RBBP4: variants seen among roughly 807,000 people sequenced by gnomAD.
RBBP4 encodes the protein histone-binding protein RBBP4.
RBBP4 carries 3 observed loss-of-function variants against 57.2 expected under a neutral mutation model. The observed-to-expected ratio is 0.05, with a 90% CI of 0.02 to 0.14. The LOEUF is 0.14. RBBP4 is among the 10% of genes least tolerant of loss of function. The pLI, the probability that RBBP4 is intolerant of heterozygous loss-of-function variation, is 1.00. For synonymous variants in RBBP4, 151 were observed against 171.5 expected, an observed-to-expected ratio of 0.88 and a Z score of 0.93; for missense variants, 107 against 520.6, an observed-to-expected ratio of 0.21 and a Z score of 7.73.
rs975683805 is a variant in RBBP4, at chr1:32,683,923, C to T, written c.*4218C>T. On this transcript the variant is annotated 3_prime_UTR_variant, in exon 12 of 12. Coordinates refer to ENST00000373493, the MANE Select transcript of RBBP4 (RefSeq NM_005610.3). ...GCTAGGATTACAGGCGTGAGCCACCCCGTCCGGCCTGTTTTTAAGGCATTA... is the reference window on the plus strand; with the variant it reads ...GCTAGGATTACAGGCGTGAGCCACCTCGTCCGGCCTGTTTTTAAGGCATTA... 16 of 1,364,680 alleles carry T rather than the reference C, an allele frequency of 1.2e-5. No homozygotes were observed. Among genetic ancestry groups the T allele is most frequent in the South Asian group, 2.4e-5 (2 of 82,530 alleles). The allele number at this position is 1,364,680 out of a possible 1,614,324, so 84.5% of individuals were successfully genotyped here.
At position 32,685,977 on chromosome 1, in the gene RBBP4, CTG is replaced by C. The variant is rs1278665411; in HGVS notation, c.*6274_*6275del. 1.3e-5 allele frequency: 2 copies of C among 152,304 alleles called. No individual in the cohort carries two copies. Among genetic ancestry groups the C allele is most frequent in the African/African-American group, 4.8e-5 (2 of 41,578 alleles). 9.4% of individuals were successfully genotyped at this position (152,304 alleles called of 1,614,324 possible). ...TGACCCCTACCTCCAACTTGAACCT[CTG>C]TTACTCTTCCGTATGAACATTTTCC... On this transcript the variant is annotated 3_prime_UTR_variant, in exon 12 of 12. Transcript: ENST00000373493.
chr1:32,651,342 C>A lies in RBBP4; in HGVS notation c.16+20C>A. On this transcript the variant is annotated intron_variant, in intron 1 of 11. Coordinates refer to ENST00000373493, the MANE Select transcript of RBBP4 (RefSeq NM_005610.3). ...AGGAAGGTGAGGGTGCCGGGGCCGA[C>A]CCAGGAGGGCAGTGGGTGCCTGGGC... 4.8e-6 allele frequency: 7 copies of A among 1,446,524 alleles called. No homozygotes were observed. The highest frequency in any genetic ancestry group is 5.5e-6 in the Non-Finnish European group (6 of 1,100,446). The allele number at this position is 1,446,524 out of a possible 1,614,324, so 89.6% of individuals were successfully genotyped here.
In RBBP4 at chr1:32,672,916, A is replaced by T. The variant is rs1298634752; in HGVS notation, c.1212+15A>T. On this transcript the variant is annotated intron_variant, in intron 11 of 11. Coordinates refer to ENST00000373493, the MANE Select transcript of RBBP4 (RefSeq NM_005610.3). Reference sequence around the variant, plus strand: ...TGTGGCAAATGGTAAGGGTTTAGTAATTTATTTTGGGGAGGTGAAATAAGT... The same window carrying T: ...TGTGGCAAATGGTAAGGGTTTAGTATTTTATTTTGGGGAGGTGAAATAAGT... 1 of 1,562,766 alleles carries T rather than the reference A, an allele frequency of 6.4e-7. No individual in the cohort carries two copies. Among genetic ancestry groups the T allele is most frequent in the Admixed American group, 1.7e-5 (1 of 58,738 alleles).
intron 3 of RBBP4, among the ~76,000 whole-genome samples, chr1:32,658,982 C>T (rs563009954): frequency 1.2e-3 from 171 of 144,624 alleles, no homozygotes; most frequent in East Asian, 4.7e-3. Context: ...AAACTACATG[C>T]GTGTATATAT....
chr1:32,652,483 GC>G, intron 2 of RBBP4: 1 of 164,082 alleles, frequency 6.1e-6, no homozygotes, highest in Non-Finnish European at 1.3e-5. Context: ...CGTCTCTACT[GC>G]CCCCCACACA....
At chr1:32,651,737 A>C in intron 1 of RBBP4, 177 bp from the exon 2 acceptor site, 1 of 834,288 alleles carries the variant, frequency 1.2e-6, no homozygotes, top group Admixed American at 2.8e-5. Flanking sequence ...TTTGGCGGGG[A>C]TGGCCCGAGG....
chr1:32,668,591 G>A lies in RBBP4; in HGVS notation c.485-148G>A, dbSNP rs150808943. On this transcript the variant is annotated intron_variant, in intron 4 of 11. Transcript: ENST00000373493. The stretch of plus-strand genomic sequence containing the variant: ...TTACATAGAACAAAATACTGGTGCT[G>A]TTTAAGCATTATCTATTTGATCATA... 4.9e-4 allele frequency: 415 copies of A among 846,222 alleles called. 3 individuals are homozygous for A. The African/African-American group carries it at 6.5e-3, about 13-fold the overall frequency. 52.4% of individuals were successfully genotyped at this position (846,222 alleles called of 1,614,324 possible). A position where few individuals can be genotyped will look rare whatever the true frequency, so the allele number is the denominator to read the frequency against.
intron 2 of RBBP4, among the ~76,000 whole-genome samples, chr1:32,655,653 T>G (rs566157785): frequency 6.6e-5 from 10 of 152,340 alleles, no homozygotes; most frequent in African/African-American, 2.4e-4. Context: ...CCCTGGTATA[T>G]CTTACTGGCT....
At chr1:32,655,909 CAGTT>C (rs949416742) in intron 2 of RBBP4, among the ~76,000 whole-genome samples, 46 of 152,164 alleles carry the variant, frequency 3.0e-4, no homozygotes, top group East Asian at 5.8e-4. Flanking sequence ...TACTGTGAAA[CAGTT>C]AGTTGTGCCC....
At chr1:32,652,778 T>A (rs1647913207) in intron 2 of RBBP4, among the ~76,000 whole-genome samples, 1 of 152,088 alleles carries the variant, frequency 6.6e-6, no homozygotes, top group Non-Finnish European at 1.5e-5. Context: ...CCCCCTGACC[T>A]CTGGTGATCC....
chr1:32,652,983 G>T (rs1647951565), intron 2 of RBBP4, among the ~76,000 whole-genome samples: 1 of 152,150 alleles, frequency 6.6e-6, no homozygotes, highest in African/African-American at 2.4e-5. Context: ...AGATAATTAG[G>T]GTACCTAGAA....
Position 32,661,950 on chromosome 1 carries a change from A to G in RBBP4, c.310+4378A>G, listed in dbSNP as rs141259724. ...CACCAGGCTGGAGTGCAGTGTGGCA[A>G]TCTCGGCTCACTGCAACTTCCGCCT... On this transcript the variant is annotated intron_variant, in intron 3 of 11. Coordinates refer to ENST00000373493, the MANE Select transcript of RBBP4 (RefSeq NM_005610.3). Among the ~76,000 whole-genome samples, 439 of 120,328 alleles carry G rather than the reference A, an allele frequency of 3.6e-3. 2 individuals carry two copies. Among genetic ancestry groups the G allele is most frequent in the African/African-American group, 0.013 (398 of 30,316 alleles). The allele number at this position is 120,328 out of a possible 152,430, so 78.9% of individuals were successfully genotyped here. A position where few individuals can be genotyped will look rare whatever the true frequency, so the allele number is the denominator to read the frequency against.
chr1:32,659,090 ATATT>A (rs1227229551), intron 3 of RBBP4, among the ~76,000 whole-genome samples: 7 of 147,390 alleles, frequency 4.7e-5, no homozygotes, highest in African/African-American at 1.5e-4. Flanking sequence ...ACATGTGTAT[ATATT>A]TATATTGTGT....
At chr1:32,663,280 C>T (rs1016784081) in intron 3 of RBBP4, among the ~76,000 whole-genome samples, 15 of 152,224 alleles carry the variant, frequency 9.9e-5, no homozygotes, top group African/African-American at 3.6e-4. Context: ...TGCACCTTTA[C>T]TATATCATGT....
intron 2 of RBBP4, among the ~76,000 whole-genome samples, chr1:32,656,039 A>G (rs76271705): frequency 6.6e-6 from 1 of 152,196 alleles, no homozygotes; most frequent in South Asian, 2.1e-4. Context: ...AGAATGCCTT[A>G]AGACGGCATT....
intron 8 of RBBP4, among the ~76,000 whole-genome samples, chr1:32,671,399 A>G (rs1046218834): frequency 1.3e-5 from 2 of 152,180 alleles, no homozygotes; most frequent in African/African-American, 4.8e-5. Flanking sequence ...CCTGACCAAC[A>G]TGGTGAAACC....
At position 32,679,946 on chromosome 1, in the gene RBBP4, A is replaced by G. The variant is rs1649317352; in HGVS notation, c.*241A>G. The G allele has an allele frequency of 1.6e-6, 2 of 1,290,038 alleles. No homozygotes were observed. The highest frequency in any genetic ancestry group is 4.3e-5 in the South Asian group (2 of 46,280). The allele number at this position is 1,290,038 out of a possible 1,614,324, so 79.9% of individuals were successfully genotyped here. A position where few individuals can be genotyped will look rare whatever the true frequency, so the allele number is the denominator to read the frequency against. ...AGGAATTTTCTAGTAACCCAGGTCT[A>G]AAGTAGCTACAGAAAGGGGAATATT... is the stretch of plus-strand genomic sequence containing the variant. On this transcript the variant is annotated 3_prime_UTR_variant, in exon 12 of 12. Transcript: ENST00000373493.
chr1:32,679,801 A>T lies in RBBP4; in HGVS notation c.*96A>T. On this transcript the variant is annotated 3_prime_UTR_variant, in exon 12 of 12. Transcript: ENST00000373493. ...GTTTTGAGACAGACTTTATTCAGCT[A>T]TCCCTCTATATAATAGGTACCACCG... is the stretch of plus-strand genomic sequence containing the variant. 2 of 1,547,912 alleles carry T rather than the reference A, an allele frequency of 1.3e-6. No individual in the cohort carries two copies. The highest frequency in any genetic ancestry group is 2.4e-5 in the South Asian group (2 of 82,810).
intron 3 of RBBP4, among the ~76,000 whole-genome samples, chr1:32,667,453 C>T (rs985130132): frequency 2.6e-5 from 4 of 152,114 alleles, no homozygotes; most frequent in Admixed American, 2.0e-4. Flanking sequence ...CCTTACCTCG[C>T]CCCCTTGTCT....
Sources: allele counts gnomAD v4.1 joint callset (sites outside exome capture counted in the v4.1 genomes callset), GRCh38; gene constraint gnomAD v4.1.1; transcripts MANE v1.5; gene names NCBI Gene and HGNC (gene_info 2026-07-23, HGNC 2026-07-21).